SOCS2: variants seen among roughly 807,000 people sequenced by gnomAD.
SOCS2 encodes the protein suppressor of cytokine signaling 2.
A neutral mutation model predicts 18.6 loss-of-function variants in SOCS2; 10 were observed. That is an observed-to-expected ratio of 0.54 (90% CI 0.33 to 0.91). The LOEUF is 0.91. Ranked by LOEUF, SOCS2 falls within the 40% of genes least tolerant of loss-of-function variation. SOCS2 has a pLI of 0.02. For synonymous variants in SOCS2, 104 were observed against 104.0 expected (o/e 1.00, Z 0.00); for missense variants, 231 against 247.2 (o/e 0.93, Z 0.44).
the SOCS2 span, among the ~76,000 whole-genome samples, chr12:93,616,682 G>A: frequency 6.6e-5 from 10 of 152,280 alleles, no homozygotes; most frequent in Middle Eastern, 3.4e-3. Flanking sequence ...TTCAATGGGC[G>A]GGGGTATGTG....
Position 93,572,987 on chromosome 12 carries a change from C to A in SOCS2, c.90C>A (p.Ser30=). Residue 30 remains serine (S), a synonymous_variant, in exon 1 of 2, where the codon TCC becomes TCA. Coordinates refer to ENST00000551556, the MANE Select transcript of SOCS2 (RefSeq NM_001270471.2). The surrounding 1 kb of genome is among the most constrained non-coding windows in gnomAD (Gnocchi z 5.0). ...WGTAGSAEEP[S]PQAARLAKAL... ...CCGCGGGGTCGGCGGAGGAGCCATC[C>A]CCGCAGGCGGCGCGTCTGGCGAAGG... 1 of 1,570,144 alleles carries A rather than the reference C, an allele frequency of 6.4e-7. No individual in the cohort carries two copies. Among genetic ancestry groups the A allele is most frequent in the Non-Finnish European group, 8.6e-7 (1 of 1,159,030 alleles).
chr12:93,582,573 G>A (rs142502822), intron 1 of SOCS2, among the ~76,000 whole-genome samples: 2 of 152,222 alleles, frequency 1.3e-5, no homozygotes, highest in South Asian at 2.1e-4. Flanking sequence ...TGGAGTATGC[G>A]GCTTTGAGTC....
In SOCS2 at chr12:93,576,220, A is replaced by T. The variant is rs1410960197; in HGVS notation, c.*1041A>T. On this transcript the variant is annotated 3_prime_UTR_variant, in exon 2 of 2. Transcript: ENST00000551556. ...TGATTTCTACAAGTTGCACTTATTG[A>T]GTTCTAGAGAACGTACACTTTCATG... The T allele has an allele frequency of 6.5e-6, 1 of 152,676 alleles. No individual in the cohort carries two copies. Among genetic ancestry groups the T allele is most frequent in the Admixed American group, 6.5e-5 (1 of 15,288 alleles). The allele number at this position is 152,676 out of a possible 1,614,324, so 9.5% of individuals were successfully genotyped here.
At chr12:93,585,469 T>C (rs1390270012), downstream of SOCS2, among the ~76,000 whole-genome samples, 2 of 151,906 alleles carry the variant, frequency 1.3e-5, no homozygotes, top group African/African-American at 4.8e-5. Context: ...CACCCAACCA[T>C]AAGGGGGCCA....
rs1236371771 is a variant in SOCS2, at chr12:93,572,886, GACCCTTCTCTC to G, written c.-10_1del. On this transcript the variant is annotated 5_prime_UTR_variant, in exon 1 of 2. Coordinates refer to ENST00000551556, the MANE Select transcript of SOCS2 (RefSeq NM_001270471.2). This position sits in a 1 kb window ranked among gnomAD's most constrained non-coding sequence, Gnocchi z 5.0. ...GGCGGCCACCTGTCTTTGCCGCGGT[GACCCTTCTCTC>G]ATGACCCTGCGGTGCCTTGAGCCCT... The G allele has an allele frequency of 1.3e-6, 2 of 1,568,540 alleles. No individual in the cohort carries two copies. Among genetic ancestry groups the G allele is most frequent in the Non-Finnish European group, 1.7e-6 (2 of 1,156,212 alleles).
chr12:93,580,438 T>C (rs190786178), downstream of SOCS2, among the ~76,000 whole-genome samples: 1 of 152,018 alleles, frequency 6.6e-6, no homozygotes, highest in East Asian at 1.9e-4. Flanking sequence ...CTGGCCAACA[T>C]GGCGAAACCA....
At chr12:93,571,949 C>A, upstream of SOCS2, 1 of 363,104 alleles carries the variant, frequency 2.8e-6, no homozygotes, top group Non-Finnish European at 5.5e-6. Context: ...GCATTTTCCG[C>A]AGCGCTCGCG....
At chr12:93,614,466 CCTT>C in the SOCS2 span, among the ~76,000 whole-genome samples, 8 of 91,750 alleles carry the variant, frequency 8.7e-5, no homozygotes, top group African/African-American at 3.2e-4. Context: ...TTCCTTCCTT[CCTT>C]CCTTCCTTCC....
At chr12:93,593,447 GAA>G in the SOCS2 span, among the ~76,000 whole-genome samples, 2 of 152,152 alleles carry the variant, frequency 1.3e-5, no homozygotes, top group African/African-American at 2.4e-5. Flanking sequence ...ACAAGGAACA[GAA>G]ATAAATTAGA....
At chr12:93,591,443 G>T in the SOCS2 span, among the ~76,000 whole-genome samples, 1 of 152,210 alleles carries the variant, frequency 6.6e-6, no homozygotes, top group South Asian at 2.1e-4. Flanking sequence ...CTGTCTGTCT[G>T]TCTGTCTGCG....
the SOCS2 span, among the ~76,000 whole-genome samples, chr12:93,590,665 G>A: frequency 1.3e-5 from 2 of 150,820 alleles, no homozygotes; most frequent in Non-Finnish European, 3.0e-5. Context: ...GTGGTGGCAC[G>A]TGCCTGTAAT....
At chr12:93,604,861 A>G in the SOCS2 span, among the ~76,000 whole-genome samples, 4 of 151,316 alleles carry the variant, frequency 2.6e-5, no homozygotes, top group African/African-American at 4.9e-5. Flanking sequence ...GGGTCCCACT[A>G]TGTTGCCCAG....
the SOCS2 span, among the ~76,000 whole-genome samples, chr12:93,603,320 A>C: frequency 6.6e-6 from 1 of 152,304 alleles, no homozygotes; most frequent in South Asian, 2.1e-4. Context: ...CCTCAGACTG[A>C]GTGGTCATTG....
chr12:93,619,214 C>T, the SOCS2 span, among the ~76,000 whole-genome samples: 257 of 152,276 alleles, frequency 1.7e-3, 2 homozygotes, highest in Admixed American at 3.9e-3. Context: ...AGGGGACAAG[C>T]GGTGACTGGG....
chr12:93,590,731 C>G, the SOCS2 span, among the ~76,000 whole-genome samples: 1 of 133,978 alleles, frequency 7.5e-6, no homozygotes, highest in Non-Finnish European at 1.5e-5. Context: ...GCAGGCAGAG[C>G]CGAGATGGCG....
chr12:93,598,010 G>A, the SOCS2 span, among the ~76,000 whole-genome samples: 1 of 152,144 alleles, frequency 6.6e-6, no homozygotes, highest in East Asian at 1.9e-4. Flanking sequence ...TAGTGAACAA[G>A]GCAAATCTTT....
the SOCS2 span, among the ~76,000 whole-genome samples, chr12:93,623,106 A>T: frequency 6.6e-6 from 1 of 152,070 alleles, no homozygotes; most frequent in Non-Finnish European, 1.5e-5. Context: ...TCGAATTGTA[A>T]CCCCCAAATG....
At chr12:93,592,686 A>G in the SOCS2 span, among the ~76,000 whole-genome samples, 4 of 152,230 alleles carry the variant, frequency 2.6e-5, no homozygotes, top group African/African-American at 9.6e-5. Context: ...TTTAAACAGC[A>G]TATTTTCCAT....
upstream of SOCS2, chr12:93,571,690 T>G (rs1479678636): frequency 3.6e-6 from 1 of 279,488 alleles, no homozygotes; most frequent in Non-Finnish European, 7.2e-6. Flanking sequence ...GGCTTTTGTG[T>G]GCCCTCTGCG....
Sources: allele counts gnomAD v4.1 joint callset (sites outside exome capture counted in the v4.1 genomes callset), GRCh38; gene constraint gnomAD v4.1.1; non-coding constraint Gnocchi (gnomAD v3.1); transcripts MANE v1.5; gene names NCBI Gene and HGNC (gene_info 2026-07-23, HGNC 2026-07-21).